The following NEK6 variants were observed in gnomAD, a reference collection of about 807,000 sequenced individuals.
NEK6 encodes serine/threonine-protein kinase Nek6.
In NEK6, 27 loss-of-function variants were observed where a neutral mutation model predicts 43.5. The ratio of observed to expected loss-of-function variants is 0.62; its 90% CI spans 0.46 to 0.86. The LOEUF is 0.86. NEK6 is among the 40% of genes least tolerant of loss of function. The pLI, the probability that NEK6 is intolerant of heterozygous loss-of-function variation, is 0.00. For missense variants in NEK6, 318 were observed against 414.4 expected, an observed-to-expected ratio of 0.77 and a Z score of 2.02; for synonymous variants, 167 against 164.1, an observed-to-expected ratio of 1.02 and a Z score of -0.14.
At position 124,290,668 on chromosome 9, in the gene NEK6, T is replaced by A. The variant is rs116304983; in HGVS notation, c.-29-11268T>A. 5.4e-3 allele frequency among the ~76,000 whole-genome samples: 821 copies of A among 152,334 alleles called. 8 individuals are homozygous for A. The highest frequency in any genetic ancestry group is 0.018 in the African/African-American group (759 of 41,582). ...TGGGGCTGGCCTGCAGAGCCCAGAT[T>A]CCTCTCACAGACTGGGTGGCGGGGG... On this transcript the variant is annotated intron_variant, in intron 1 of 9. Coordinates refer to ENST00000320246, the MANE Select transcript of NEK6 (RefSeq NM_014397.6).
At chr9:124,305,447 G>A (rs1355750773) in intron 2 of NEK6, among the ~76,000 whole-genome samples, 1 of 151,904 alleles carries the variant, frequency 6.6e-6, no homozygotes, top group Non-Finnish European at 1.5e-5. Flanking sequence ...TCAGCTACTT[G>A]GGAGGCCAAG....
intron 1 of NEK6, among the ~76,000 whole-genome samples, chr9:124,289,935 C>T (rs1832334544): frequency 6.6e-6 from 1 of 152,202 alleles, no homozygotes; most frequent in Non-Finnish European, 1.5e-5. Context: ...CACAGCACAG[C>T]TCAGAGCACA....
chr9:124,282,306 G>A (rs1290106997), intron 1 of NEK6, among the ~76,000 whole-genome samples: 2 of 152,098 alleles, frequency 1.3e-5, no homozygotes, highest in African/African-American at 2.4e-5. Context: ...TCCAGTGCTC[G>A]CCTCTGTCGC....
At chr9:124,281,190 A>G (rs1460435383) in intron 1 of NEK6, among the ~76,000 whole-genome samples, 1 of 152,044 alleles carries the variant, frequency 6.6e-6, no homozygotes, top group Non-Finnish European at 1.5e-5. Context: ...CCAGGAAATC[A>G]CCCAGTACTC....
Position 124,327,476 on chromosome 9 carries a change from C to A in NEK6, c.622+31C>A, listed in dbSNP as rs373724604. On this transcript the variant is annotated intron_variant, in intron 7 of 9. Coordinates refer to ENST00000320246, the MANE Select transcript of NEK6 (RefSeq NM_014397.6). ...GGGGACCTGTCTGTGCCCCAGCAGC[C>A]CCCAGCGGTCCTGGTGACCATGCAG... 1.6e-5 allele frequency: 24 copies of A among 1,543,356 alleles called. No homozygotes were observed. The African/African-American group carries it at 3.0e-4, about 19-fold the overall frequency.
chr9:124,296,887 C>T (rs1832716010), intron 1 of NEK6, among the ~76,000 whole-genome samples: 1 of 152,214 alleles, frequency 6.6e-6, no homozygotes, highest in African/African-American at 2.4e-5. Flanking sequence ...TCAGAAAGGC[C>T]ACTTGGAACC....
intron 1 of NEK6, among the ~76,000 whole-genome samples, chr9:124,262,280 C>G (rs1438073235): frequency 6.6e-6 from 1 of 152,228 alleles, no homozygotes; most frequent in Non-Finnish European, 1.5e-5. Context: ...TGGTCCCTTC[C>G]TTTGGCCAAA....
intron 8 of NEK6, among the ~76,000 whole-genome samples, chr9:124,344,177 G>A (rs958026890): frequency 2.6e-5 from 4 of 152,210 alleles, no homozygotes; most frequent in Non-Finnish European, 5.9e-5. Context: ...TCCCTGTCAT[G>A]AGGGCTCTTG....
intron 1 of NEK6, among the ~76,000 whole-genome samples, chr9:124,289,714 A>C (rs1433649398): frequency 1.3e-5 from 2 of 152,232 alleles, no homozygotes; most frequent in African/African-American, 4.8e-5. Context: ...CAGGATCCCC[A>C]GTTTAATTCC....
intron 4 of NEK6, among the ~76,000 whole-genome samples, chr9:124,318,117 C>G (rs1304262021): frequency 1.3e-5 from 2 of 152,220 alleles, no homozygotes; most frequent in Admixed American, 1.3e-4. Context: ...TCCACGGTGT[C>G]TGAACAAATT....
intron 1 of NEK6, among the ~76,000 whole-genome samples, chr9:124,265,225 TTAAACA>T (rs1258853045): frequency 1.3e-5 from 2 of 152,308 alleles, no homozygotes; most frequent in Admixed American, 1.3e-4. Flanking sequence ...GAGAAAAATG[TTAAACA>T]TAAAAGTTTT....
At chr9:124,306,808 A>G (rs1240209837) in intron 2 of NEK6, among the ~76,000 whole-genome samples, 1 of 152,230 alleles carries the variant, frequency 6.6e-6, no homozygotes, top group Admixed American at 6.5e-5. Context: ...TGCAACACAG[A>G]TTTAAAATAT....
At chr9:124,317,461 C>T (rs775189696) in intron 4 of NEK6, among the ~76,000 whole-genome samples, 3 of 152,212 alleles carry the variant, frequency 2.0e-5, no homozygotes, top group Non-Finnish European at 2.9e-5. Context: ...GATCCACCCG[C>T]CTCGGCCTCC....
In NEK6 at chr9:124,343,341, G is replaced by A. The variant is rs574778348; in HGVS notation, c.717+3676G>A. Among the ~76,000 whole-genome samples the A allele has an allele frequency of 2.0e-5, 3 of 152,032 alleles. No homozygotes were observed. The highest frequency in any genetic ancestry group is 4.8e-5 in the African/African-American group (2 of 41,458). ...GTGGGGGGACAGATCACAGCCAGGG[G>A]TGGATACCAGTCAGCAGTAGGAAGT... is the stretch of plus-strand genomic sequence containing the variant. On this transcript the variant is annotated intron_variant, in intron 8 of 9. Coordinates refer to ENST00000320246, the MANE Select transcript of NEK6 (RefSeq NM_014397.6). The surrounding 1 kb of genome is among the most constrained non-coding windows in gnomAD (Gnocchi z 5.1).
intron 1 of NEK6, among the ~76,000 whole-genome samples, chr9:124,267,888 CTG>C (rs145984810): frequency 0.019 from 2,936 of 152,352 alleles, 45 homozygotes; most frequent in East Asian, 0.084. Flanking sequence ...TTATGGTGTT[CTG>C]TGTCTTCAGA....
chr9:124,284,872 T>C (rs1364495253), intron 1 of NEK6, among the ~76,000 whole-genome samples: 1 of 152,186 alleles, frequency 6.6e-6, no homozygotes, highest in Non-Finnish European at 1.5e-5. Context: ...CTCCCAGGTC[T>C]TCAAATTTAC....
At chr9:124,291,474 A>G (rs1383764249) in intron 1 of NEK6, among the ~76,000 whole-genome samples, 1 of 152,068 alleles carries the variant, frequency 6.6e-6, no homozygotes, top group African/African-American at 2.4e-5. Context: ...TAAAAATACA[A>G]AATTAGCCGG....
At chr9:124,292,887 CA>C in intron 1 of NEK6, 1 of 1,475,480 alleles carries the variant, frequency 6.8e-7, no homozygotes, top group East Asian at 2.5e-5. Flanking sequence ...CACGGGGGAG[CA>C]GGCTGTGGAG....
chr9:124,342,204 G>A (rs956753548), intron 8 of NEK6, among the ~76,000 whole-genome samples: 2 of 152,222 alleles, frequency 1.3e-5, no homozygotes, highest in African/African-American at 2.4e-5. Context: ...AGGAGGGGAT[G>A]CAAACCCACC....
Sources: allele counts gnomAD v4.1 joint callset (sites outside exome capture counted in the v4.1 genomes callset), GRCh38; gene constraint gnomAD v4.1.1; non-coding constraint Gnocchi (gnomAD v3.1); transcripts MANE v1.5; gene names NCBI Gene and HGNC (gene_info 2026-07-23, HGNC 2026-07-21).